EXOC6: variants seen among roughly 807,000 people sequenced by gnomAD.
EXOC6 encodes SEC15-like 1.
Under a neutral mutation model 112.5 loss-of-function variants are expected in EXOC6, and 60 were observed. That is an observed-to-expected ratio of 0.53 (90% CI 0.43 to 0.66). The LOEUF (loss-of-function observed/expected upper bound fraction) is 0.66, where lower values mean the gene tolerates loss of function less well. Among genes scored for constraint, EXOC6 ranks in the 30% least tolerant of loss-of-function variants. The pLI is 0.00. For synonymous variants in EXOC6, 295 were observed against 308.0 expected, an observed-to-expected ratio of 0.96 and a Z score of 0.44; for missense variants, 855 against 957.1, an observed-to-expected ratio of 0.89 and a Z score of 1.41.
chr10:92,956,477 T>C (rs978115980), intron 17 of EXOC6, among the ~76,000 whole-genome samples: 1 of 152,158 alleles, frequency 6.6e-6, no homozygotes, highest in Admixed American at 6.5e-5. Flanking sequence ...GATTTTATTG[T>C]AGTAACTTGC....
intron 19 of EXOC6, among the ~76,000 whole-genome samples, chr10:93,008,927 A>C (rs1206227141): frequency 2.0e-5 from 3 of 152,180 alleles, no homozygotes; most frequent in African/African-American, 7.2e-5. Flanking sequence ...ATGGCTAGGA[A>C]ATTTAAATTA....
At chr10:92,854,030 G>C (rs978068788) in intron 1 of EXOC6, among the ~76,000 whole-genome samples, 2 of 143,124 alleles carry the variant, frequency 1.4e-5, no homozygotes, top group Non-Finnish European at 3.0e-5. Context: ...AAAAAGGAAA[G>C]AAAGAAAAGG....
Position 92,997,516 on chromosome 10 carries a change from C to G in EXOC6, c.1996C>G (p.Leu666Val), listed in dbSNP as rs759927595. ...QTACMSACQHLSTSLMQMLLD... is the reference protein window; with the variant it reads ...QTACMSACQHVSTSLMQMLLD... Reference sequence around the variant, plus strand: ...AGCTTGCATGTCAGCCTGCCAGCATCTGTCAACATCCTTAATGCAGATGCT... The same window carrying G: ...AGCTTGCATGTCAGCCTGCCAGCATGTGTCAACATCCTTAATGCAGATGCT... The change falls in exon 19 of 22, where the codon CTG (leucine) becomes GTG (valine). Residue 666 changes from leucine to valine, a missense_variant. Around this residue, in one of 2 missense-constraint regions of EXOC6, gnomAD observed 450 missense variants for 563.5 expected, o/e 0.80. Transcript: ENST00000260762. 8.1e-6 allele frequency: 13 copies of G among 1,612,200 alleles called. No homozygotes were observed. Among genetic ancestry groups the G allele is most frequent in the Non-Finnish European group, 1.0e-5 (12 of 1,178,952 alleles).
intron 17 of EXOC6, among the ~76,000 whole-genome samples, chr10:92,956,764 AT>A (rs1853717233): frequency 6.6e-6 from 1 of 152,170 alleles, no homozygotes; most frequent in Non-Finnish European, 1.5e-5. Flanking sequence ...TTCAGATAAT[AT>A]AGTACAGTGA....
chr10:92,924,829 C>T (rs1425605762), intron 8 of EXOC6, among the ~76,000 whole-genome samples: 1 of 152,058 alleles, frequency 6.6e-6, no homozygotes, highest in Non-Finnish European at 1.5e-5. Context: ...ATCCTTCACC[C>T]CACTTCTGAA....
intron 14 of EXOC6, among the ~76,000 whole-genome samples, 199 bp from the exon 15 acceptor site, chr10:92,952,074 T>G (rs1457284952): frequency 6.6e-6 from 1 of 152,156 alleles, no homozygotes; most frequent in Non-Finnish European, 1.5e-5. Flanking sequence ...ATAATATGAT[T>G]TAAGAAACAA....
chr10:92,919,346 TGA>T (rs1851299205), intron 7 of EXOC6, among the ~76,000 whole-genome samples: 1 of 152,224 alleles, frequency 6.6e-6, no homozygotes, highest in Non-Finnish European at 1.5e-5. Flanking sequence ...GAGATTCACA[TGA>T]GTACAAATGT....
At chr10:92,981,015 C>T (rs1405390055) in intron 18 of EXOC6, among the ~76,000 whole-genome samples, 2 of 152,022 alleles carry the variant, frequency 1.3e-5, no homozygotes, top group South Asian at 2.1e-4. Context: ...CGACAGAGCA[C>T]GACTCTGTCT....
At chr10:92,863,571 A>C (rs1046110264) in intron 1 of EXOC6, among the ~76,000 whole-genome samples, 9 of 152,096 alleles carry the variant, frequency 5.9e-5, no homozygotes, top group Non-Finnish European at 1.0e-4. Flanking sequence ...TGAGCCCAGG[A>C]GGTTGAGACC....
chr10:92,919,955 T>G (rs1260376623), intron 7 of EXOC6, 27 bp from the exon 8 acceptor site: 1 of 1,491,160 alleles, frequency 6.7e-7, no homozygotes, highest in Admixed American at 1.9e-5. Flanking sequence ...TGACCTATAA[T>G]TTTTTTAAAA....
intron 20 of EXOC6, among the ~76,000 whole-genome samples, chr10:93,052,822 A>G (rs1257805817): frequency 2.6e-5 from 4 of 152,140 alleles, no homozygotes; most frequent in African/African-American, 7.2e-5. Flanking sequence ...CTTTTGGGTA[A>G]TCTGGGGAGA....
At chr10:93,058,139 C>A in intron 21 of EXOC6, 84 bp from the exon 22 acceptor site, 1 of 1,270,208 alleles carries the variant, frequency 7.9e-7, no homozygotes, top group Non-Finnish European at 1.1e-6. Context: ...TGGGATAATT[C>A]AGAGCATGCC....
At chr10:92,937,350 AGC>A in intron 12 of EXOC6, among the ~76,000 whole-genome samples, 1 of 152,224 alleles carries the variant, frequency 6.6e-6, no homozygotes, top group East Asian at 1.9e-4. Flanking sequence ...ATGATTATGC[AGC>A]ATTTTCCCAA....
chr10:92,894,161 A>G (rs1449557969), intron 2 of EXOC6, among the ~76,000 whole-genome samples: 1 of 152,210 alleles, frequency 6.6e-6, no homozygotes, highest in African/African-American at 2.4e-5. Flanking sequence ...GGATATTCAG[A>G]TAACAAGAGA....
intron 5 of EXOC6, among the ~76,000 whole-genome samples, chr10:92,907,916 G>A (rs1392429577): frequency 6.6e-6 from 1 of 151,896 alleles, no homozygotes; most frequent in Non-Finnish European, 1.5e-5. Context: ...GCATTCTGAT[G>A]TTTACCAAGA....
At chr10:92,955,806 T>C in intron 17 of EXOC6, 92 bp downstream of exon 17, 10 of 1,161,656 alleles carry the variant, frequency 8.6e-6, no homozygotes, top group Non-Finnish European at 1.1e-5. Flanking sequence ...CAAGATCTAC[T>C]ATATTCCTAA....
At chr10:92,947,108 C>T (rs1853066108) in intron 13 of EXOC6, among the ~76,000 whole-genome samples, 1 of 152,124 alleles carries the variant, frequency 6.6e-6, no homozygotes, top group Non-Finnish European at 1.5e-5. Context: ...AAAAGGAAAT[C>T]AATGATTGGA....
chr10:92,968,216 G>A (rs889997653), intron 17 of EXOC6, among the ~76,000 whole-genome samples: 6 of 138,934 alleles, frequency 4.3e-5, no homozygotes, highest in Non-Finnish European at 7.6e-5. Context: ...GCAAGGTCTT[G>A]CTCTGTCACC....
At chr10:92,982,034 T>C (rs1455495764) in intron 18 of EXOC6, among the ~76,000 whole-genome samples, 1 of 152,110 alleles carries the variant, frequency 6.6e-6, no homozygotes, top group Non-Finnish European at 1.5e-5. Context: ...GAGAATCACT[T>C]GAACCCGGGA....
Sources: allele counts gnomAD v4.1 joint callset (sites outside exome capture counted in the v4.1 genomes callset), GRCh38; gene constraint gnomAD v4.1.1; regional missense constraint gnomAD v4.1.1; transcripts MANE v1.5; gene names NCBI Gene and HGNC (gene_info 2026-07-23, HGNC 2026-07-21).